CSMD1: variants seen among roughly 807,000 people sequenced by gnomAD.
CSMD1 encodes the protein CUB and Sushi multiple domains 1.
Under a neutral mutation model 417.5 loss-of-function variants are expected in CSMD1, and 213 were observed. The observed-to-expected ratio is 0.51, with a 90% CI of 0.46 to 0.57. The LOEUF is 0.57. CSMD1 is among the 20% of genes least tolerant of loss of function. The probability of loss-of-function intolerance (pLI) is 0.00; values close to 1 mark genes in which losing one functional copy is unlikely to be tolerated. For missense variants in CSMD1, 6,923 were observed against 4,529.7 expected (o/e 1.53, Z -15.17); for synonymous variants, 2,862 against 1,736.8 (o/e 1.65, Z -16.11).
intron 5 of CSMD1, among the ~76,000 whole-genome samples, chr8:3,927,230 T>C (rs1018204151): frequency 2.0e-5 from 3 of 152,052 alleles, no homozygotes; most frequent in African/African-American, 4.8e-5. Context: ...TAACCTTCTT[T>C]ATATTATTCC....
intron 2 of CSMD1, among the ~76,000 whole-genome samples, chr8:4,574,995 G>C (rs779115996): frequency 6.6e-6 from 1 of 152,054 alleles, no homozygotes; most frequent in African/African-American, 2.4e-5. Flanking sequence ...TTTTAATATT[G>C]TGCTTCCTCA....
chr8:3,954,095 C>G lies in CSMD1; in HGVS notation c.818+43808G>C, dbSNP rs905268838. 2.6e-5 allele frequency among the ~76,000 whole-genome samples: 4 copies of G among 152,006 alleles called. No homozygotes were observed. The Middle Eastern group carries it at 0.01, about 388-fold the overall frequency. On this transcript the variant is annotated intron_variant, in intron 5 of 69. Coordinates refer to ENST00000635120, the MANE Select transcript of CSMD1 (RefSeq NM_033225.6). ...GCCTCTAGGAAGCTCGTGCAGGGGC[C>G]TAGGAACGTGGCCAGTGGGAGAGAT...
intron 5 of CSMD1, among the ~76,000 whole-genome samples, chr8:3,755,880 G>A (rs540616211): frequency 6.6e-6 from 1 of 152,130 alleles, no homozygotes; most frequent in East Asian, 1.9e-4. Context: ...GCTGGTGACA[G>A]CTGGACACAG....
chr8:3,927,410 T>G (rs1273643013), intron 5 of CSMD1, among the ~76,000 whole-genome samples: 3 of 152,042 alleles, frequency 2.0e-5, no homozygotes, highest in Non-Finnish European at 2.9e-5. Context: ...CTCCTACCTG[T>G]GGTCCCAACA....
Position 4,660,047 on chromosome 8 carries a change from C to G in CSMD1, c.86-22489G>C, listed in dbSNP as rs141298244. Reference sequence around the variant, plus strand: ...TAGTGAAAGGCTCCATGATTTTCTCCTAAGATTGGATAAAAGAAAGGATGT... The same window carrying G: ...TAGTGAAAGGCTCCATGATTTTCTCGTAAGATTGGATAAAAGAAAGGATGT... On this transcript the variant is annotated intron_variant, in intron 1 of 69. Transcript: ENST00000635120. Among the ~76,000 whole-genome samples, 3 of 147,326 alleles carry G rather than the reference C, an allele frequency of 2.0e-5. No individual in the cohort carries two copies. In the East Asian group the frequency reaches 6.0e-4, roughly 30 times the overall value.
intron 12 of CSMD1, among the ~76,000 whole-genome samples, chr8:3,411,526 G>A (rs1006577458): frequency 2.0e-5 from 3 of 151,478 alleles, no homozygotes; most frequent in Admixed American, 6.6e-5. Context: ...TCCCACTTAT[G>A]AGTGAGAACA....
At chr8:4,411,483 G>T (rs147334765) in intron 3 of CSMD1, among the ~76,000 whole-genome samples, 4 of 152,160 alleles carry the variant, frequency 2.6e-5, no homozygotes, top group African/African-American at 9.7e-5. Context: ...TTAAGAGCCA[G>T]AGATCCACTT....
intron 1 of CSMD1, among the ~76,000 whole-genome samples, chr8:4,657,174 C>T (rs972602770): frequency 3.9e-5 from 6 of 152,138 alleles, no homozygotes; most frequent in Non-Finnish European, 5.9e-5. Flanking sequence ...ATGCCCAGGG[C>T]AGAATACACT....
intron 4 of CSMD1, among the ~76,000 whole-genome samples, chr8:4,018,421 G>T (rs1018742713): frequency 6.6e-6 from 1 of 152,106 alleles, no homozygotes; most frequent in Non-Finnish European, 1.5e-5. Flanking sequence ...TTCTCTCCCA[G>T]TTTGCAATCT....
At chr8:4,386,028 G>A (rs765559142) in intron 3 of CSMD1, among the ~76,000 whole-genome samples, 12 of 151,888 alleles carry the variant, frequency 7.9e-5, no homozygotes, top group East Asian at 7.7e-4. Flanking sequence ...TTATCACTAC[G>A]ATTTCTCCAG....
intron 50 of CSMD1, 125 bp from the exon 51 acceptor site, chr8:3,029,638 C>CAT: frequency 2.4e-5 from 17 of 717,774 alleles, no homozygotes; most frequent in Non-Finnish European, 3.7e-5. Context: ...GATGCCATTA[C>CAT]GTATTATCTC....
rs1004466626 is a variant in CSMD1, at chr8:4,875,695, G to C, written c.85+118637C>G. 1.2e-4 allele frequency among the ~76,000 whole-genome samples: 19 copies of C among 152,256 alleles called. No homozygotes were observed. In the East Asian group the frequency reaches 3.7e-3, roughly 29 times the overall value. ...AAGTAATCAGTTATAAACCTAAGTA[G>C]AGCTGAGAAACCAAGATAAATACTA... On this transcript the variant is annotated intron_variant, in intron 1 of 69. Coordinates refer to ENST00000635120, the MANE Select transcript of CSMD1 (RefSeq NM_033225.6).
intron 40 of CSMD1, among the ~76,000 whole-genome samples, chr8:3,143,039 A>T (rs1437365933): frequency 6.6e-6 from 1 of 152,212 alleles, no homozygotes; most frequent in Non-Finnish European, 1.5e-5. Flanking sequence ...TGACAATCTT[A>T]AATATGAAGT....
At chr8:3,868,256 T>C (rs187477619) in intron 5 of CSMD1, among the ~76,000 whole-genome samples, 1 of 152,116 alleles carries the variant, frequency 6.6e-6, no homozygotes. Flanking sequence ...TTTAACTTTA[T>C]GACCATTGCT....
At chr8:3,926,372 A>G (rs1466995096) in intron 5 of CSMD1, among the ~76,000 whole-genome samples, 1 of 149,532 alleles carries the variant, frequency 6.7e-6, no homozygotes, top group Non-Finnish European at 1.5e-5. Context: ...TTTTCACCAG[A>G]AACAGGAGGG....
At chr8:3,407,471 G>C (rs1488855602) in intron 14 of CSMD1, among the ~76,000 whole-genome samples, 1 of 151,884 alleles carries the variant, frequency 6.6e-6, no homozygotes, top group Non-Finnish European at 1.5e-5. Flanking sequence ...AAGAAAGGAT[G>C]GATAGATGCA....
chr8:3,279,661 G>C (rs111444798), intron 26 of CSMD1, among the ~76,000 whole-genome samples: 1 of 152,102 alleles, frequency 6.6e-6, no homozygotes, highest in Non-Finnish European at 1.5e-5. Flanking sequence ...AAGGAAAGAG[G>C]TTTAATTAAC....
chr8:4,059,993 A>C (rs1157187631), intron 3 of CSMD1, among the ~76,000 whole-genome samples: 1 of 152,174 alleles, frequency 6.6e-6, no homozygotes, highest in Non-Finnish European at 1.5e-5. Flanking sequence ...ACAGCCAAAA[A>C]AGAGAATTTT....
Position 3,911,289 on chromosome 8 carries a change from T to C in CSMD1, c.818+86614A>G, listed in dbSNP as rs183755807. 7.2e-5 allele frequency among the ~76,000 whole-genome samples: 11 copies of C among 152,152 alleles called. No homozygotes were observed. In the East Asian group the frequency reaches 1.7e-3, roughly 24 times the overall value. ...TTCTTTTGTTTAACTGAAGTCTCTATAATCATAGATCCTTTTTTTTTTCCT... is the reference window on the plus strand; with the variant it reads ...TTCTTTTGTTTAACTGAAGTCTCTACAATCATAGATCCTTTTTTTTTTCCT... On this transcript the variant is annotated intron_variant, in intron 5 of 69. Coordinates refer to ENST00000635120, the MANE Select transcript of CSMD1 (RefSeq NM_033225.6).
Sources: gnomAD v4.1 joint callset for allele counts (sites outside exome capture counted in the v4.1 genomes callset) on GRCh38, gnomAD v4.1.1 for gene constraint, MANE v1.5 for transcripts, NCBI Gene and HGNC (gene_info 2026-07-23, HGNC 2026-07-21) for gene names.